ADAMTSL1: variants seen among roughly 807,000 people sequenced by gnomAD.
ADAMTSL1 encodes the protein ADAMTS like 1.
Under a neutral mutation model 201.8 loss-of-function variants are expected in ADAMTSL1, and 126 were observed. The ratio of observed to expected loss-of-function variants is 0.62; its 90% CI spans 0.54 to 0.72. ADAMTSL1 has a LOEUF of 0.72. Among genes scored for constraint, ADAMTSL1 ranks in the 30% least tolerant of loss-of-function variants. The pLI is 0.00. For synonymous variants in ADAMTSL1, 1,121 were observed against 903.4 expected, an observed-to-expected ratio of 1.24 and a Z score of -4.32; for missense variants, 2,679 against 2,277.8, an observed-to-expected ratio of 1.18 and a Z score of -3.59.
intron 2 of ADAMTSL1, among the ~76,000 whole-genome samples, chr9:18,283,642 G>A (rs568394003): frequency 3.5e-5 from 5 of 143,790 alleles, no homozygotes; most frequent in East Asian, 2.0e-4. Context: ...GCTGGGTGCA[G>A]TGGCTCAAGC....
At chr9:18,291,132 A>T (rs1833242581) in intron 2 of ADAMTSL1, among the ~76,000 whole-genome samples, 2 of 134,026 alleles carry the variant, frequency 1.5e-5, no homozygotes, top group Non-Finnish European at 3.3e-5. Context: ...ATCCTAAGTC[A>T]TCTAGCTAGG....
chr9:17,914,515 C>T lies in ADAMTSL1; in HGVS notation c.87+7593C>T, dbSNP rs552477740. ...CTCAATAAATTAGGTGTTGATGGGA[C>T]GTATCTCAAAATAATAAGAGCTATC... is the stretch of plus-strand genomic sequence containing the variant. On this transcript the variant is annotated intron_variant, in intron 1 of 29. Transcript: ENST00000680146. Among the ~76,000 whole-genome samples, 35 of 151,712 alleles carry T rather than the reference C, an allele frequency of 2.3e-4. No individual in the cohort carries two copies. The South Asian group carries it at 4.2e-3, about 18-fold the overall frequency.
intron 14 of ADAMTSL1, among the ~76,000 whole-genome samples, chr9:18,713,237 T>C (rs1457413690): frequency 6.6e-6 from 1 of 151,818 alleles, no homozygotes; most frequent in South Asian, 2.1e-4. Flanking sequence ...AGGATCATAT[T>C]CACACATAAC....
At chr9:18,555,249 A>G (rs1194640492) in intron 3 of ADAMTSL1, among the ~76,000 whole-genome samples, 2 of 151,898 alleles carry the variant, frequency 1.3e-5, no homozygotes, top group African/African-American at 2.4e-5. Flanking sequence ...GTTAGAATGG[A>G]AAGTTCAACA....
chr9:17,947,892 T>G (rs1352706464), intron 1 of ADAMTSL1, among the ~76,000 whole-genome samples: 3 of 152,114 alleles, frequency 2.0e-5, no homozygotes, highest in Non-Finnish European at 4.4e-5. Context: ...AAACACACCT[T>G]CTGCAGCTGC....
chr9:18,415,085 G>T (rs901394065), intron 2 of ADAMTSL1, among the ~76,000 whole-genome samples: 2 of 152,134 alleles, frequency 1.3e-5, no homozygotes, highest in Admixed American at 6.5e-5. Flanking sequence ...CTTAAATGCA[G>T]CTCAGAACAA....
At chr9:18,125,790 A>T (rs1825706502) in intron 1 of ADAMTSL1, among the ~76,000 whole-genome samples, 1 of 152,226 alleles carries the variant, frequency 6.6e-6, no homozygotes, top group Admixed American at 6.5e-5. Flanking sequence ...GACAGTAATT[A>T]TTCCAAACTG....
chr9:18,183,293 G>A (rs1485479847), intron 2 of ADAMTSL1, among the ~76,000 whole-genome samples: 2 of 152,124 alleles, frequency 1.3e-5, no homozygotes, highest in Non-Finnish European at 2.9e-5. Flanking sequence ...GATAACATGG[G>A]AGAAAACCTA....
Position 18,266,991 on chromosome 9 carries a change from T to G in ADAMTSL1, c.207+103010T>G, listed in dbSNP as rs189374584. ...GACGACGTACACAGCAGGAATGAGTTTGCTCAGGTGCAGGGGAGATTGCAC... is the reference window on the plus strand; with the variant it reads ...GACGACGTACACAGCAGGAATGAGTGTGCTCAGGTGCAGGGGAGATTGCAC... On this transcript the variant is annotated intron_variant, in intron 2 of 29. Transcript: ENST00000680146. Among the ~76,000 whole-genome samples the G allele has an allele frequency of 1.4e-4, 21 of 152,238 alleles. No individual in the cohort carries two copies. The East Asian group carries it at 4.1e-3, about 29-fold the overall frequency.
At chr9:18,666,815 C>G (rs998601259) in intron 9 of ADAMTSL1, among the ~76,000 whole-genome samples, 1 of 152,096 alleles carries the variant, frequency 6.6e-6, no homozygotes, top group African/African-American at 2.4e-5. Flanking sequence ...TTCAAAGCAG[C>G]TTTAGATGTA....
chr9:18,123,244 C>A (rs1298760185), intron 1 of ADAMTSL1, among the ~76,000 whole-genome samples: 1 of 152,176 alleles, frequency 6.6e-6, no homozygotes, highest in Non-Finnish European at 1.5e-5. Context: ...TAACAAGACA[C>A]ATTTTATGCA....
At chr9:18,597,563 A>G (rs1000191543) in intron 4 of ADAMTSL1, among the ~76,000 whole-genome samples, 5 of 152,204 alleles carry the variant, frequency 3.3e-5, no homozygotes, top group Non-Finnish European at 7.3e-5. Flanking sequence ...AAAATAGGCA[A>G]AGTAGAATTC....
chr9:18,795,849 G>C (rs1822388290), intron 20 of ADAMTSL1, among the ~76,000 whole-genome samples: 1 of 152,190 alleles, frequency 6.6e-6, no homozygotes, highest in African/African-American at 2.4e-5. Context: ...TAGCATGTTG[G>C]AACATGAATT....
At chr9:17,988,637 A>C (rs1331513976) in intron 1 of ADAMTSL1, among the ~76,000 whole-genome samples, 1 of 151,390 alleles carries the variant, frequency 6.6e-6, no homozygotes, top group Non-Finnish European at 1.5e-5. Flanking sequence ...ATCTGACTTC[A>C]CCTGCCAAAG....
chr9:18,316,609 A>G (rs1834405549), intron 2 of ADAMTSL1, among the ~76,000 whole-genome samples: 1 of 151,980 alleles, frequency 6.6e-6, no homozygotes, highest in South Asian at 2.1e-4. Context: ...TCCCTGAACA[A>G]CTGCTGTTAT....
chr9:18,412,103 T>C (rs1306942717), intron 2 of ADAMTSL1, among the ~76,000 whole-genome samples: 2 of 152,250 alleles, frequency 1.3e-5, no homozygotes, highest in African/African-American at 4.8e-5. Context: ...TGGATTTTGC[T>C]AATTGCTTCC....
rs1587477718 is a variant in ADAMTSL1 at position 18,288,774 on chromosome 9, T to C, written c.207+124793T>C. 2.0e-5 allele frequency among the ~76,000 whole-genome samples: 3 copies of C among 152,370 alleles called. No individual in the cohort carries two copies. The South Asian group carries it at 6.2e-4, about 32-fold the overall frequency. The stretch of plus-strand genomic sequence containing the variant: ...ATACCCTCAGGTCTCTTCAGCCTGA[T>C]GGCTGCCCTGGCTGTTCCCAGGATA... On this transcript the variant is annotated intron_variant, in intron 2 of 29. Coordinates refer to the ADAMTSL1 transcript ENST00000680146.
intron 4 of ADAMTSL1, among the ~76,000 whole-genome samples, chr9:18,594,021 C>G (rs1824095329): frequency 6.6e-6 from 1 of 151,938 alleles, no homozygotes; most frequent in Admixed American, 6.6e-5. Flanking sequence ...TAAATTCCCT[C>G]TGTGTTTTTT....
At chr9:18,245,894 A>G (rs1174245129) in intron 2 of ADAMTSL1, among the ~76,000 whole-genome samples, 1 of 152,172 alleles carries the variant, frequency 6.6e-6, no homozygotes, top group Non-Finnish European at 1.5e-5. Flanking sequence ...GCCACCTTAG[A>G]AACTAAAGTA....
Sources: allele counts gnomAD v4.1 joint callset (sites outside exome capture counted in the v4.1 genomes callset), GRCh38; gene constraint gnomAD v4.1.1; transcripts MANE v1.5; gene names NCBI Gene and HGNC (gene_info 2026-07-23, HGNC 2026-07-21).